MYT1L: variants seen among roughly 807,000 people sequenced by gnomAD.
MYT1L encodes myelin transcription factor 1 like.
Under a neutral mutation model 126.7 loss-of-function variants are expected in MYT1L, and 12 were observed. That is an observed-to-expected ratio of 0.09 (90% confidence interval 0.06 to 0.15). The LOEUF is 0.15. Among genes scored for constraint, MYT1L ranks in the 10% least tolerant of loss-of-function variants. The pLI, the probability that MYT1L is intolerant of heterozygous loss-of-function variation, is 1.00. For synonymous variants in MYT1L, 541 were observed against 604.2 expected (o/e 0.90, Z 1.53); for missense variants, 979 against 1,585.2 (o/e 0.62, Z 6.49).
intron 4 of MYT1L, among the ~76,000 whole-genome samples, chr2:2,025,455 A>T (rs1023191079): frequency 2.0e-5 from 3 of 152,206 alleles, no homozygotes; most frequent in Admixed American, 6.5e-5. Context: ...ATACTTGTTG[A>T]ATCAAAGTCA....
chr2:1,837,112 G>C (rs2041008793), intron 21 of MYT1L, among the ~76,000 whole-genome samples: 1 of 152,198 alleles, frequency 6.6e-6, no homozygotes, highest in Admixed American at 6.5e-5. Flanking sequence ...AAAAGGGGCA[G>C]GACAGAGATC....
chr2:1,886,913 A>G (rs2048245896), intron 17 of MYT1L: 1 of 400,534 alleles, frequency 2.5e-6, no homozygotes, highest in Admixed American at 4.4e-5. Context: ...TACAACACAT[A>G]AATTAGCATG....
At chr2:2,287,219 C>T (rs533956022) in intron 1 of MYT1L, among the ~76,000 whole-genome samples, 1 of 152,134 alleles carries the variant, frequency 6.6e-6, no homozygotes, top group East Asian at 1.9e-4. Context: ...CGTGCCTTTG[C>T]ACTCCAACCT....
chr2:1,844,538 A>G (rs11127313), intron 19 of MYT1L, among the ~76,000 whole-genome samples: 66,927 of 151,994 alleles, frequency 0.44, 15,644 homozygotes, highest in East Asian at 0.67. Context: ...ACTTCCAGGT[A>G]TTGCGCCAAG....
chr2:2,172,557 C>T (rs1201995197), intron 3 of MYT1L, among the ~76,000 whole-genome samples: 2 of 152,258 alleles, frequency 1.3e-5, no homozygotes, highest in African/African-American at 2.4e-5. Flanking sequence ...TTACTCAAAG[C>T]AGCAAATGGG....
At chr2:1,970,810 T>G (rs1864882) in intron 8 of MYT1L, among the ~76,000 whole-genome samples, 70,641 of 152,056 alleles carry the variant, frequency 0.46, 18,756 homozygotes, top group African/African-American at 0.75. Context: ...GCAAATTTCT[T>G]CTGTGTATTC....
chr2:2,108,223 T>A (rs1263606184), intron 3 of MYT1L, among the ~76,000 whole-genome samples: 3 of 152,104 alleles, frequency 2.0e-5, no homozygotes, highest in African/African-American at 7.2e-5. Context: ...GTGTACCAAC[T>A]CTACCCAGTG....
At chr2:1,837,276 A>T (rs894715728) in intron 21 of MYT1L, among the ~76,000 whole-genome samples, 4 of 152,240 alleles carry the variant, frequency 2.6e-5, no homozygotes, top group Non-Finnish European at 5.9e-5. Flanking sequence ...GGCTCCGCAG[A>T]GGCAGCTCTG....
rs566681030 is a variant in MYT1L at position 1,790,639 on chromosome 2, G to A, written c.*1228C>T. The A allele has an allele frequency of 6.6e-6, 1 of 152,192 alleles. No homozygotes were observed. The highest frequency in any genetic ancestry group is 1.9e-4 in the East Asian group (1 of 5,188). 9.4% of individuals were successfully genotyped at this position (152,192 alleles called of 1,614,324 possible). ...CACCCAAGTGTAGAACAGAAACGTC[G>A]TGGTAAGAGTCCTCTGAATAGGACC... On this transcript the variant is annotated 3_prime_UTR_variant, in exon 25 of 25. Coordinates refer to ENST00000647738, the MANE Select transcript of MYT1L (RefSeq NM_001303052.2).
intron 4 of MYT1L, among the ~76,000 whole-genome samples, chr2:2,007,860 A>T (rs2063475283): frequency 6.6e-6 from 1 of 152,170 alleles, no homozygotes; most frequent in African/African-American, 2.4e-5. Context: ...TTTAAATGAT[A>T]ATTAATAGGC....
intron 2 of MYT1L, among the ~76,000 whole-genome samples, chr2:2,180,415 G>A (rs1476856891): frequency 6.6e-6 from 1 of 151,996 alleles, no homozygotes; most frequent in Non-Finnish European, 1.5e-5. Flanking sequence ...GAGAGCAAGT[G>A]ATCATTTGAA....
intron 8 of MYT1L, among the ~76,000 whole-genome samples, chr2:1,944,592 G>A (rs940321986): frequency 6.6e-6 from 1 of 152,090 alleles, no homozygotes; most frequent in African/African-American, 2.4e-5. Context: ...CTTGGCTTTG[G>A]ATCTGGGGTA....
chr2:2,264,313 C>CTGAT (rs1438701641), intron 2 of MYT1L, among the ~76,000 whole-genome samples: 5 of 152,206 alleles, frequency 3.3e-5, no homozygotes, highest in Admixed American at 1.3e-4. Context: ...GGCCCTGGGT[C>CTGAT]TGATGCCTTT....
intron 3 of MYT1L, among the ~76,000 whole-genome samples, chr2:2,160,781 C>A (rs2087741464): frequency 6.6e-6 from 1 of 152,248 alleles, no homozygotes; most frequent in Non-Finnish European, 1.5e-5. Flanking sequence ...ACTGGGGTAC[C>A]CTCTGCCCAG....
intron 3 of MYT1L, among the ~76,000 whole-genome samples, chr2:2,115,743 G>A (rs760978194): frequency 4.6e-5 from 7 of 152,370 alleles, no homozygotes; most frequent in South Asian, 2.1e-4. Context: ...CCCCGCGGGA[G>A]TGTCGGGGTG....
rs552252271 is a variant in MYT1L at position 2,176,657 on chromosome 2, C to T, written c.-420-3669G>A. Among the ~76,000 whole-genome samples the T allele has an allele frequency of 4.3e-4, 65 of 152,200 alleles. 1 individual carries two copies. The South Asian group carries it at 0.013, about 31-fold the overall frequency. On this transcript the variant is annotated intron_variant, in intron 2 of 24. Coordinates refer to ENST00000647738, the MANE Select transcript of MYT1L (RefSeq NM_001303052.2). The stretch of plus-strand genomic sequence containing the variant: ...GAGATTACAGGTGCTCACCCAGACA[C>T]CCAGCTAATTTTTATAGTTTTAGTA...
chr2:1,953,675 C>T (rs1436518705), intron 8 of MYT1L, among the ~76,000 whole-genome samples: 4 of 152,198 alleles, frequency 2.6e-5, no homozygotes, highest in African/African-American at 9.7e-5. Context: ...TCCCATTGTG[C>T]GAAGCAAAGG....
intron 18 of MYT1L, among the ~76,000 whole-genome samples, chr2:1,862,072 C>T (rs1169468014): frequency 6.6e-6 from 1 of 152,036 alleles, no homozygotes; most frequent in Admixed American, 6.6e-5. Flanking sequence ...GCCTCGTGCC[C>T]CTATCCTCTT....
chr2:2,224,059 G>C lies in MYT1L; in HGVS notation c.-420-51071C>G, dbSNP rs1663347656. On this transcript the variant is annotated intron_variant, in intron 2 of 24. Coordinates refer to ENST00000647738, the MANE Select transcript of MYT1L (RefSeq NM_001303052.2). This position sits in a 1 kb window ranked among gnomAD's most constrained non-coding sequence, Gnocchi z 4.0. ...TTTAAGGTGTCCATCTAAATGCAAGGCTCATCTAAGCATCTGAAAGACAAA... is the reference window on the plus strand; with the variant it reads ...TTTAAGGTGTCCATCTAAATGCAAGCCTCATCTAAGCATCTGAAAGACAAA... 6.6e-6 allele frequency among the ~76,000 whole-genome samples: 1 copy of C among 152,178 alleles called. No homozygotes were observed. The highest frequency in any genetic ancestry group is 2.4e-5 in the African/African-American group (1 of 41,442).
Sources: gnomAD v4.1 joint callset for allele counts (sites outside exome capture counted in the v4.1 genomes callset) on GRCh38, gnomAD v4.1.1 for gene constraint, Gnocchi (gnomAD v3.1) non-coding constraint, MANE v1.5 for transcripts, NCBI Gene and HGNC (gene_info 2026-07-23, HGNC 2026-07-21) for gene names.